UVSSA: variants seen among roughly 807,000 people sequenced by gnomAD.
UVSSA encodes UV-stimulated scaffold protein A.
A neutral mutation model predicts 73.9 loss-of-function variants in UVSSA; 72 were observed. The observed-to-expected ratio is 0.97, with a 90% CI of 0.81 to 1.19. UVSSA has a LOEUF of 1.19. Ranked by LOEUF, UVSSA falls within the 50% of genes most tolerant of loss-of-function variation. UVSSA has a pLI of 0.00. For missense variants in UVSSA, 1,150 were observed against 965.0 expected (o/e 1.19, Z -2.54); for synonymous variants, 454 against 391.3 (o/e 1.16, Z -1.89).
At chr4:1,368,696 C>T (rs1038018742) in intron 8 of UVSSA, among the ~76,000 whole-genome samples, 42 of 152,264 alleles carry the variant, frequency 2.8e-4, no homozygotes, top group African/African-American at 9.9e-4. Flanking sequence ...TTGGCAGTCC[C>T]GGCTAAGCCT....
chr4:1,369,026 G>A (rs1717692877), intron 8 of UVSSA, among the ~76,000 whole-genome samples: 1 of 152,206 alleles, frequency 6.6e-6, no homozygotes, highest in South Asian at 2.1e-4. Context: ...TTAGAAGCTG[G>A]GAGCTCCATC....
intron 4 of UVSSA, among the ~76,000 whole-genome samples, chr4:1,352,073 C>T (rs1358203954): frequency 5.3e-5 from 8 of 152,260 alleles, no homozygotes; most frequent in Admixed American, 5.2e-4. Flanking sequence ...CTGCGCGGAC[C>T]TCTGGGCAGA....
At chr4:1,374,467 G>C (rs1463805440) in intron 8 of UVSSA, among the ~76,000 whole-genome samples, 2 of 152,208 alleles carry the variant, frequency 1.3e-5, no homozygotes, top group African/African-American at 2.4e-5. Context: ...GGCAGGTCAG[G>C]GCCCAGCAGT....
At chr4:1,347,875 T>C (rs1713958374) in intron 1 of UVSSA, 115 bp downstream of exon 1, 1 of 551,414 alleles carries the variant, frequency 1.8e-6, no homozygotes, top group African/African-American at 1.9e-5. Flanking sequence ...ATTGTAGAGG[T>C]CCCGAGTTTA....
At chr4:1,394,251 C>G (rs934699488) in exon 14 of UVSSA, 1 of 705,824 alleles carries the variant, frequency 1.4e-6, no homozygotes, top group Non-Finnish European at 2.3e-6. Flanking sequence ...GTGGGCATCT[C>G]GTTCCTCAGA....
chr4:1,351,867 G>A (rs1487285476), intron 4 of UVSSA, 32 bp downstream of exon 4: 10 of 1,607,344 alleles, frequency 6.2e-6, no homozygotes, highest in East Asian at 4.5e-5. Context: ...AGGGGCCCAC[G>A]CCTCTGAGGG....
At chr4:1,366,466 T>TGG (rs780878812) in intron 8 of UVSSA, 35 bp downstream of exon 8, 1 of 1,529,798 alleles carries the variant, frequency 6.5e-7, no homozygotes, top group South Asian at 1.2e-5. Context: ...GGCACCTGGG[T>TGG]GGAGGGTCCC....
downstream of UVSSA, chr4:1,388,420 G>C (rs971740630): frequency 6.6e-6 from 1 of 152,190 alleles, no homozygotes; most frequent in African/African-American, 2.4e-5. Flanking sequence ...CATGTCATCT[G>C]CAAACAGCTT....
In UVSSA at chr4:1,353,359, C is replaced by G; in HGVS notation, c.880C>G (p.Arg294Gly). Residue 294 changes from arginine (R) to glycine (G), a missense_variant, in exon 5 of 14, where the codon CGG becomes GGG. Transcript: ENST00000389851. ...GGACAGCGACCTCGAGGAGTTTGTG[C>G]GGAGCCACGGGCTGGGCTCGCACAA... ...DEDSDLEEFV[R>G]SHGLGSHKYT... 2 of 1,606,854 alleles carry G rather than the reference C, an allele frequency of 1.2e-6. No homozygotes were observed. Among genetic ancestry groups the G allele is most frequent in the Middle Eastern group, 3.3e-4 (2 of 6,016 alleles).
At chr4:1,379,537 C>T (rs1246885137) in intron 10 of UVSSA, among the ~76,000 whole-genome samples, 3 of 152,218 alleles carry the variant, frequency 2.0e-5, no homozygotes, top group African/African-American at 4.8e-5. Flanking sequence ...CTCCAGCACC[C>T]GGCCCCTCTG....
At chr4:1,354,953 C>G (rs2109105192) in intron 6 of UVSSA, 106 bp downstream of exon 6, 1 of 1,535,306 alleles carries the variant, frequency 6.5e-7, no homozygotes, top group South Asian at 1.2e-5. Flanking sequence ...CTGAATGGCC[C>G]TTAACCCGCG....
chr4:1,379,141 C>G (rs572405044), intron 10 of UVSSA, among the ~76,000 whole-genome samples: 1 of 152,212 alleles, frequency 6.6e-6, no homozygotes, highest in Non-Finnish European at 1.5e-5. Context: ...CCGGGAGCTT[C>G]GGGCAGAGCC....
chr4:1,352,979 G>A, intron 4 of UVSSA, 51 bp from the exon 5 acceptor site: 1 of 1,556,864 alleles, frequency 6.4e-7, no homozygotes, highest in Non-Finnish European at 8.7e-7. Context: ...GAGTGGGCTG[G>A]TGCTTTTGCT....
At chr4:1,348,383 C>T (rs923538924) in intron 2 of UVSSA, among the ~76,000 whole-genome samples, 194 bp downstream of exon 2, 2 of 152,228 alleles carry the variant, frequency 1.3e-5, no homozygotes, top group African/African-American at 2.4e-5. Flanking sequence ...CGTTGGGGAC[C>T]CCACTGCTCT....
At chr4:1,350,465 C>T (rs1406130799) in intron 3 of UVSSA, among the ~76,000 whole-genome samples, 1 of 152,228 alleles carries the variant, frequency 6.6e-6, no homozygotes, top group Non-Finnish European at 1.5e-5. Flanking sequence ...GGGTTTGTTT[C>T]AGACTCCTGG....
exon 14 of UVSSA, chr4:1,394,418 TC>T: frequency 2.5e-6 from 4 of 1,573,202 alleles, no homozygotes; most frequent in Non-Finnish European, 3.5e-6. Flanking sequence ...CATATTGAAA[TC>T]ATTGATCTAC....
chr4:1,354,904 G>GT, intron 6 of UVSSA, 57 bp downstream of exon 6: 1 of 1,370,818 alleles, frequency 7.3e-7, no homozygotes, highest in Non-Finnish European at 9.8e-7. Context: ...TGCCATGCAT[G>GT]GGGGGGGTCC....
intron 2 of UVSSA, among the ~76,000 whole-genome samples, 179 bp downstream of exon 2, chr4:1,348,368 T>C (rs1318247870): frequency 6.6e-6 from 1 of 152,242 alleles, no homozygotes; most frequent in Non-Finnish European, 1.5e-5. Context: ...GGTCGGGGCG[T>C]GTGGCGTTGG....
intron 8 of UVSSA, among the ~76,000 whole-genome samples, chr4:1,368,821 G>T (rs1368595835): frequency 6.6e-6 from 1 of 152,244 alleles, no homozygotes; most frequent in East Asian, 1.9e-4. Context: ...GTCCGTCCTG[G>T]TCCAGGGAAG....
Sources: allele counts gnomAD v4.1 joint callset (sites outside exome capture counted in the v4.1 genomes callset), GRCh38; gene constraint gnomAD v4.1.1; transcripts MANE v1.5; gene names NCBI Gene and HGNC (gene_info 2026-07-23, HGNC 2026-07-21).